Variants in PCDH15 observed in about 807,000 individuals in gnomAD.
PCDH15 encodes protocadherin related 15.
PCDH15 carries 129 observed loss-of-function variants against 178.5 expected under a neutral mutation model. The observed-to-expected ratio is 0.72, with a 90% CI of 0.63 to 0.84. The LOEUF (loss-of-function observed/expected upper bound fraction) is 0.84, where lower values mean the gene tolerates loss of function less well. PCDH15 is among the 40% of genes least tolerant of loss of function. The pLI is 0.00. For synonymous variants in PCDH15, 800 were observed against 732.0 expected (o/e 1.09, Z -1.50); for missense variants, 2,230 against 2,099.9 (o/e 1.06, Z -1.21).
intron 2 of PCDH15, among the ~76,000 whole-genome samples, chr10:55,553,080 A>G (rs1321865872): frequency 6.6e-6 from 1 of 151,698 alleles, no homozygotes; most frequent in East Asian, 1.9e-4. Context: ...TTATATAAAT[A>G]TCTCTCAATT....
At chr10:53,857,415 T>TACGGCGAACACC in intron 27 of PCDH15, 152 bp from the exon 28 acceptor site, 3 of 499,596 alleles carry the variant, frequency 6.0e-6, no homozygotes, top group South Asian at 7.0e-5. Flanking sequence ...TTTTTAATTA[T>TACGGCGAACACC]ATGATCTACA....
intron 2 of PCDH15, among the ~76,000 whole-genome samples, chr10:54,909,938 G>T (rs1415475083): frequency 6.6e-6 from 1 of 152,094 alleles, no homozygotes; most frequent in Non-Finnish European, 1.5e-5. Context: ...GAAGGCTCTG[G>T]GGACTGTCCT....
intron 15 of PCDH15, among the ~76,000 whole-genome samples, chr10:54,097,816 C>T (rs573498600): frequency 3.9e-5 from 6 of 152,234 alleles, no homozygotes; most frequent in Non-Finnish European, 8.8e-5. Flanking sequence ...TCTCCCTGCT[C>T]CTGTTTTCAC....
intron 1 of PCDH15, among the ~76,000 whole-genome samples, chr10:54,758,992 A>C (rs1947522273): frequency 6.6e-6 from 1 of 151,736 alleles, no homozygotes; most frequent in Non-Finnish European, 1.5e-5. Flanking sequence ...CTCGCCTCTT[A>C]TCTCTATGGC....
Position 54,827,487 on chromosome 10 carries a change from C to A in PCDH15, c.-29+69963G>T, listed in dbSNP as rs190977137. 3.5e-4 allele frequency among the ~76,000 whole-genome samples: 53 copies of A among 152,134 alleles called. No homozygotes were observed. In the East Asian group the frequency reaches 6.0e-3, roughly 17 times the overall value. On this transcript the variant is annotated intron_variant, in intron 3 of 5. Transcript: ENST00000458638. Reference sequence around the variant, plus strand: ...AAAGTGTCTTCATTCTGCTAATTTTCAATATTGTACTTTTTAATTTTAATT... The same window carrying A: ...AAAGTGTCTTCATTCTGCTAATTTTAAATATTGTACTTTTTAATTTTAATT...
At chr10:53,892,801 T>C (rs1403915641) in intron 26 of PCDH15, among the ~76,000 whole-genome samples, 5 of 152,294 alleles carry the variant, frequency 3.3e-5, no homozygotes, top group South Asian at 2.1e-4. Context: ...GGATATATTG[T>C]ACAACATGGT....
At chr10:54,121,688 T>C (rs1259110801) in intron 15 of PCDH15, among the ~76,000 whole-genome samples, 1 of 151,996 alleles carries the variant, frequency 6.6e-6, no homozygotes, top group Non-Finnish European at 1.5e-5. Context: ...TATGCACACA[T>C]ACTAGAAAAT....
At chr10:55,248,425 TTA>T (rs1049282944) in intron 1 of PCDH15, among the ~76,000 whole-genome samples, 57 of 152,158 alleles carry the variant, frequency 3.7e-4, no homozygotes, top group African/African-American at 1.3e-3. Context: ...TGTTTTCTTG[TTA>T]TGTTTGTTTT....
intron 2 of PCDH15, among the ~76,000 whole-genome samples, chr10:54,908,654 G>A (rs1016470021): frequency 9.9e-5 from 15 of 152,206 alleles, no homozygotes; most frequent in Non-Finnish European, 2.1e-4. Context: ...GCAGACAAGT[G>A]GAGCTTTATT....
At chr10:54,944,872 T>C (rs549216401) in intron 2 of PCDH15, among the ~76,000 whole-genome samples, 1 of 152,046 alleles carries the variant, frequency 6.6e-6, no homozygotes, top group East Asian at 1.9e-4. Context: ...AAAAAGATCA[T>C]GTTGAACTAG....
chr10:55,134,371 T>G (rs1021518866), intron 2 of PCDH15, among the ~76,000 whole-genome samples: 23 of 152,336 alleles, frequency 1.5e-4, no homozygotes, highest in African/African-American at 4.8e-4. Flanking sequence ...TTCACTCCTC[T>G]TCTACCCACT....
chr10:53,875,600 C>A (rs1319836923), intron 26 of PCDH15, among the ~76,000 whole-genome samples: 1 of 151,588 alleles, frequency 6.6e-6, no homozygotes, highest in East Asian at 1.9e-4. Flanking sequence ...ATGAGTTTCC[C>A]TTAGTGAACA....
At position 54,316,310 on chromosome 10, in the gene PCDH15, C is replaced by G. The variant is rs77682451; in HGVS notation, c.876+961G>C. 6.5e-3 allele frequency among the ~76,000 whole-genome samples: 989 copies of G among 152,124 alleles called. 8 individuals carry two copies. Among genetic ancestry groups the G allele is most frequent in the African/African-American group, 0.022 (924 of 41,514 alleles). On this transcript the variant is annotated intron_variant, in intron 8 of 37. Transcript: ENST00000644397. Reference sequence around the variant, plus strand: ...GCACTCTGGCTTTACATTTAGGAGGCATTCCTGTTCTATTCCTCAAAATCT... The same window carrying G: ...GCACTCTGGCTTTACATTTAGGAGGGATTCCTGTTCTATTCCTCAAAATCT...
chr10:54,325,292 G>A (rs2133816945), intron 7 of PCDH15, among the ~76,000 whole-genome samples: 1 of 152,142 alleles, frequency 6.6e-6, no homozygotes, highest in South Asian at 2.1e-4. Context: ...TCAAAGCTGG[G>A]TAATGTTCAA....
At chr10:55,322,679 C>G (rs1843929107), upstream of PCDH15, among the ~76,000 whole-genome samples, 1 of 151,818 alleles carries the variant, frequency 6.6e-6, no homozygotes, top group African/African-American at 2.4e-5. Flanking sequence ...CCCTAGAGAT[C>G]TGTGGAACTT....
At chr10:55,162,463 G>A (rs138102614) in intron 2 of PCDH15, among the ~76,000 whole-genome samples, 79 of 152,224 alleles carry the variant, frequency 5.2e-4, no homozygotes, top group Admixed American at 1.4e-3. Flanking sequence ...TTGCAAAAAT[G>A]GTAACAGGGA....
chr10:54,915,988 C>A (rs1439606153), intron 2 of PCDH15, among the ~76,000 whole-genome samples: 2 of 152,148 alleles, frequency 1.3e-5, no homozygotes, highest in Non-Finnish European at 2.9e-5. Context: ...GCAACCGTGC[C>A]TGGCTAATTT....
chr10:55,280,850 A>T (rs542281257), intron 1 of PCDH15, among the ~76,000 whole-genome samples: 2 of 152,298 alleles, frequency 1.3e-5, no homozygotes, highest in South Asian at 4.1e-4. Flanking sequence ...ATGTGCTATG[A>T]AATATTAATG....
At chr10:54,257,923 T>G (rs1322499823) in intron 8 of PCDH15, among the ~76,000 whole-genome samples, 1 of 152,168 alleles carries the variant, frequency 6.6e-6, no homozygotes, top group Non-Finnish European at 1.5e-5. Context: ...AGAGTCTCTA[T>G]TCACAGTCCT....
Sources: gnomAD v4.1 joint callset for allele counts (sites outside exome capture counted in the v4.1 genomes callset) on GRCh38, gnomAD v4.1.1 for gene constraint, MANE v1.5 for transcripts, NCBI Gene and HGNC (gene_info 2026-07-23, HGNC 2026-07-21) for gene names.